TMTC1: variants seen among roughly 807,000 people sequenced by gnomAD.
TMTC1 encodes protein O-mannosyl-transferase TMTC1.
Under a neutral mutation model 104.8 loss-of-function variants are expected in TMTC1, and 73 were observed. The ratio of observed to expected loss-of-function variants is 0.70; its 90% confidence interval spans 0.58 to 0.85. The LOEUF (loss-of-function observed/expected upper bound fraction) is 0.85. Ranked by LOEUF, TMTC1 falls within the 40% of genes least tolerant of loss-of-function variation. TMTC1 has a pLI of 0.00. For synonymous variants in TMTC1, 434 were observed against 428.7 expected (o/e 1.01, Z -0.15); for missense variants, 1,035 against 1,096.1 (o/e 0.94, Z 0.79).
At chr12:29,691,328 C>G (rs1941259615) in intron 5 of TMTC1, among the ~76,000 whole-genome samples, 1 of 152,116 alleles carries the variant, frequency 6.6e-6, no homozygotes, top group African/African-American at 2.4e-5. Flanking sequence ...TTCACTTCGA[C>G]TTCCTGTGGT....
chr12:29,558,291 G>A (rs561668772), intron 9 of TMTC1, among the ~76,000 whole-genome samples: 11 of 152,210 alleles, frequency 7.2e-5, no homozygotes, highest in Admixed American at 3.3e-4. Context: ...TAATAAAAAC[G>A]GGATCTGTAC....
chr12:29,589,265 G>A (rs1946219504), intron 7 of TMTC1, among the ~76,000 whole-genome samples: 2 of 152,108 alleles, frequency 1.3e-5, no homozygotes. Flanking sequence ...AATCACCTTT[G>A]GAGAAAGGCA....
At chr12:29,672,638 C>A (rs1940561215) in intron 5 of TMTC1, among the ~76,000 whole-genome samples, 1 of 152,136 alleles carries the variant, frequency 6.6e-6, no homozygotes, top group Non-Finnish European at 1.5e-5. Flanking sequence ...CCCTCCATAG[C>A]CCTCCTCTCA....
At position 29,502,941 on chromosome 12, in the gene TMTC1, T is replaced by C. The variant is rs533498979; in HGVS notation, c.*3905A>G. On this transcript the variant is annotated 3_prime_UTR_variant, in exon 18 of 18. Transcript: ENST00000539277. ...GAACAGATGTCAACTATCAGCTGAATGTAGCTCTTCAATCTGAGAACCTGG... is the reference window on the plus strand; with the variant it reads ...GAACAGATGTCAACTATCAGCTGAACGTAGCTCTTCAATCTGAGAACCTGG... The C allele has an allele frequency of 4.5e-4, 68 of 152,274 alleles. No individual in the cohort carries two copies. The highest frequency in any genetic ancestry group is 1.6e-3 in the African/African-American group (68 of 41,564). 9.4% of individuals were successfully genotyped at this position (152,274 alleles called of 1,614,324 possible).
intron 5 of TMTC1, among the ~76,000 whole-genome samples, chr12:29,642,685 G>A (rs1938908635): frequency 6.6e-6 from 1 of 152,034 alleles, no homozygotes; most frequent in African/African-American, 2.4e-5. Context: ...CAGCACTTTG[G>A]GAGGCCGAGG....
intron 6 of TMTC1, among the ~76,000 whole-genome samples, chr12:29,615,627 C>T (rs1442717770): frequency 6.6e-6 from 1 of 152,082 alleles, no homozygotes; most frequent in Non-Finnish European, 1.5e-5. Context: ...GTCCCTCATC[C>T]ATCAGGACTC....
intron 5 of TMTC1, among the ~76,000 whole-genome samples, chr12:29,677,711 C>A (rs1388801922): frequency 6.6e-6 from 1 of 152,228 alleles, no homozygotes; most frequent in Non-Finnish European, 1.5e-5. Context: ...CTCCCTGTGT[C>A]CGGCATATCC....
Position 29,659,988 on chromosome 12 carries a change from A to G in TMTC1, c.939-26652T>C, listed in dbSNP as rs1939938824. Reference sequence around the variant, plus strand: ...GAAGTACAAAATGACAAGCACCTTCAGAAAATAAGAAGATTCAGTGAGATT... The same window carrying G: ...GAAGTACAAAATGACAAGCACCTTCGGAAAATAAGAAGATTCAGTGAGATT... On this transcript the variant is annotated intron_variant, in intron 5 of 17. Coordinates refer to ENST00000539277, the MANE Select transcript of TMTC1 (RefSeq NM_001193451.2). 1.3e-6 allele frequency: 2 copies of G among 1,531,742 alleles called. 1 individual carries two copies. The highest frequency in any genetic ancestry group is 2.4e-5 in the South Asian group (2 of 83,280). The allele number at this position is 1,531,742 out of a possible 1,614,324, so 94.9% of individuals were successfully genotyped here. A position where few individuals can be genotyped will look rare whatever the true frequency, so the allele number is the denominator to read the frequency against.
chr12:29,590,633 A>G (rs1946256912), intron 7 of TMTC1, among the ~76,000 whole-genome samples: 1 of 152,076 alleles, frequency 6.6e-6, no homozygotes, highest in Admixed American at 6.6e-5. Flanking sequence ...AAAAATACCA[A>G]AATTAGCTGG....
rs180884769 is a variant in TMTC1 at position 29,525,717 on chromosome 12, G to A, written c.1786-4997C>T. Among the ~76,000 whole-genome samples, 139 of 152,172 alleles carry A rather than the reference G, an allele frequency of 9.1e-4. 1 individual carries two copies. The highest frequency in any genetic ancestry group is 3.2e-3 in the African/African-American group (131 of 41,518). Reference sequence around the variant, plus strand: ...TTATTAGGGATATGGGCCCTCTACCGACTATTTTAGAAAGGCCAACTTACG... The same window carrying A: ...TTATTAGGGATATGGGCCCTCTACCAACTATTTTAGAAAGGCCAACTTACG... On this transcript the variant is annotated intron_variant, in intron 11 of 17. Coordinates refer to ENST00000539277, the MANE Select transcript of TMTC1 (RefSeq NM_001193451.2).
chr12:29,737,200 A>G (rs1469126276), intron 5 of TMTC1, among the ~76,000 whole-genome samples: 1 of 152,246 alleles, frequency 6.6e-6, no homozygotes, highest in Non-Finnish European at 1.5e-5. Context: ...GCTCAGAGCC[A>G]GGCAGAGCAG....
chr12:29,714,258 G>A (rs966106299), intron 5 of TMTC1, among the ~76,000 whole-genome samples: 5 of 152,240 alleles, frequency 3.3e-5, no homozygotes, highest in Non-Finnish European at 7.3e-5. Flanking sequence ...AGCGCAGCTT[G>A]CAATTCAAAC....
At chr12:29,563,756 G>A (rs928574297) in intron 9 of TMTC1, among the ~76,000 whole-genome samples, 2 of 152,162 alleles carry the variant, frequency 1.3e-5, no homozygotes, top group East Asian at 1.9e-4. Context: ...TATAAAGCAC[G>A]TACAATGTGC....
At chr12:29,529,757 A>C (rs917056620) in intron 11 of TMTC1, 2 of 152,202 alleles carry the variant, frequency 1.3e-5, no homozygotes, top group African/African-American at 4.8e-5. Flanking sequence ...TCAATATTTG[A>C]TGTCTAATTC....
At chr12:29,762,483 G>A (rs61680788) in intron 2 of TMTC1, among the ~76,000 whole-genome samples, 2 of 151,940 alleles carry the variant, frequency 1.3e-5, no homozygotes, top group Non-Finnish European at 2.9e-5. Context: ...TTACACGTAC[G>A]GTATCTTAAT....
At chr12:29,644,061 TATATAATTTATAG>T (rs1565734869) in intron 5 of TMTC1, among the ~76,000 whole-genome samples, 1,940 of 27,972 alleles carry the variant, frequency 0.069, 91 homozygotes, top group Non-Finnish European at 0.095. Context: ...TAAATATAAA[TATATAATTTATAG>T]ATAAATATAA....
chr12:29,668,207 C>T (rs1483152193), intron 5 of TMTC1, among the ~76,000 whole-genome samples: 1 of 152,162 alleles, frequency 6.6e-6, no homozygotes, highest in East Asian at 1.9e-4. Flanking sequence ...TCTTCTAGTC[C>T]TGGAGGCTGG....
Position 29,540,864 on chromosome 12 carries a change from G to T in TMTC1, c.1677-4547C>A, listed in dbSNP as rs539908546. On this transcript the variant is annotated intron_variant, in intron 10 of 17. Coordinates refer to ENST00000539277, the MANE Select transcript of TMTC1 (RefSeq NM_001193451.2). ...ACAAAAATTAGCCAGGCACAGTGGC[G>T]GGCGCCTGTAGTCCCAGCTACTTGG... is the stretch of plus-strand genomic sequence containing the variant. Among the ~76,000 whole-genome samples, 3 of 151,892 alleles carry T rather than the reference G, an allele frequency of 2.0e-5. No homozygotes were observed. In the South Asian group the frequency reaches 6.2e-4, roughly 32 times the overall value.
chr12:29,557,676 C>T (rs1447300985), intron 9 of TMTC1, among the ~76,000 whole-genome samples: 2 of 152,160 alleles, frequency 1.3e-5, no homozygotes, highest in Non-Finnish European at 2.9e-5. Flanking sequence ...TCTCGAACCC[C>T]TGACCTCAGG....
Sources: gnomAD v4.1 joint callset for allele counts (sites outside exome capture counted in the v4.1 genomes callset) on GRCh38, gnomAD v4.1.1 for gene constraint, MANE v1.5 for transcripts, NCBI Gene and HGNC (gene_info 2026-07-23, HGNC 2026-07-21) for gene names.